ATP8A2: variants seen among roughly 807,000 people sequenced by gnomAD.
The protein encoded by ATP8A2 is phospholipid-transporting ATPase IB.
Under a neutral mutation model 165.6 loss-of-function variants are expected in ATP8A2, and 100 were observed. That is an observed-to-expected ratio of 0.60 (90% confidence interval 0.51 to 0.71). The LOEUF is 0.71. Ranked by LOEUF, ATP8A2 falls within the 30% of genes least tolerant of loss-of-function variation. The probability of loss-of-function intolerance (pLI) is 0.00; values close to 1 mark genes in which losing one functional copy is unlikely to be tolerated. For missense variants in ATP8A2, 1,227 were observed against 1,479.5 expected, an observed-to-expected ratio of 0.83 and a Z score of 2.80; for synonymous variants, 543 against 548.8, an observed-to-expected ratio of 0.99 and a Z score of 0.15.
intron 25 of ATP8A2, among the ~76,000 whole-genome samples, chr13:25,734,725 G>C (rs1003098760): frequency 3.3e-5 from 5 of 151,936 alleles, no homozygotes; most frequent in African/African-American, 1.2e-4. Context: ...TGCAACCCCC[G>C]GCCCCCAGAT....
In ATP8A2 at chr13:25,571,661, C is replaced by T; in HGVS notation, c.1631C>T (p.Ala544Val). ...GAKKLGFVFT[A>V]RTPFSVIIEA... ...AAAAAGCTGGGCTTTGTCTTCACAG[C>T]CAGAACACCATTCTCAGTCATCATA... The change falls in exon 18 of 37, where the codon GCC becomes GTC. Residue 544 changes from alanine (A) to valine (V), a missense_variant. Coordinates refer to ENST00000381655, the MANE Select transcript of ATP8A2 (RefSeq NM_016529.6). 6.2e-7 allele frequency: 1 copy of T among 1,614,056 alleles called. No individual in the cohort carries two copies. Among genetic ancestry groups the T allele is most frequent in the Non-Finnish European group, 8.5e-7 (1 of 1,179,950 alleles).
intron 1 of ATP8A2, among the ~76,000 whole-genome samples, chr13:25,465,372 T>C (rs2035606674): frequency 6.6e-6 from 1 of 152,136 alleles, no homozygotes. Flanking sequence ...TCCCAAGGTT[T>C]TCCCTGTTGT....
At chr13:25,849,530 T>C (rs953150432) in intron 30 of ATP8A2, among the ~76,000 whole-genome samples, 1 of 152,208 alleles carries the variant, frequency 6.6e-6, no homozygotes, top group Non-Finnish European at 1.5e-5. Flanking sequence ...CTTTAGAAAA[T>C]GAGACATGCT....
chr13:25,643,238 T>G (rs920632421), intron 24 of ATP8A2, among the ~76,000 whole-genome samples: 10 of 152,142 alleles, frequency 6.6e-5, no homozygotes, highest in Admixed American at 4.6e-4. Flanking sequence ...AATATTGTGA[T>G]CCTCTGGTTT....
intron 25 of ATP8A2, among the ~76,000 whole-genome samples, chr13:25,766,704 C>A (rs2044498047): frequency 6.6e-6 from 1 of 152,196 alleles, no homozygotes; most frequent in African/African-American, 2.4e-5. Flanking sequence ...TGCTGTATTT[C>A]CCTCAAAAAT....
At chr13:25,458,900 T>A (rs190398846) in intron 1 of ATP8A2, among the ~76,000 whole-genome samples, 44 of 152,246 alleles carry the variant, frequency 2.9e-4, no homozygotes, top group African/African-American at 7.2e-4. Context: ...TGACAGAAGG[T>A]GGCAGAGAGA....
At chr13:25,655,728 TA>T (rs201905932) in intron 24 of ATP8A2, among the ~76,000 whole-genome samples, 8,026 of 131,276 alleles carry the variant, frequency 0.061, 541 homozygotes, top group East Asian at 0.38. Flanking sequence ...TAAATCTCTT[TA>T]AAAAAAAAAA....
intron 33 of ATP8A2, chr13:25,863,794 A>ACCT (rs1457542122): frequency 6.6e-6 from 1 of 152,182 alleles, no homozygotes; most frequent in Non-Finnish European, 1.5e-5. Flanking sequence ...AGCAGGACGG[A>ACCT]CCTGTCCTAT....
intron 26 of ATP8A2, among the ~76,000 whole-genome samples, chr13:25,770,057 C>T (rs2044585887): frequency 6.6e-6 from 1 of 152,166 alleles, no homozygotes; most frequent in Non-Finnish European, 1.5e-5. Flanking sequence ...TAACCGACTC[C>T]ATCTTGCTTC....
intron 15 of ATP8A2, among the ~76,000 whole-genome samples, 163 bp downstream of exon 15, chr13:25,559,928 A>G (rs545726851): frequency 6.6e-6 from 1 of 152,290 alleles, no homozygotes; most frequent in East Asian, 1.9e-4. Context: ...CCTGGATTCA[A>G]GTGATCCTCC....
chr13:25,913,360 AT>A (rs1271936119), intron 33 of ATP8A2, among the ~76,000 whole-genome samples: 2 of 152,240 alleles, frequency 1.3e-5, no homozygotes, highest in African/African-American at 2.4e-5. Flanking sequence ...TGAGAAAAAA[AT>A]ATATCCATTA....
intron 1 of ATP8A2, among the ~76,000 whole-genome samples, chr13:25,375,881 CCTT>C (rs1286711665): frequency 6.6e-6 from 1 of 152,096 alleles, no homozygotes; most frequent in East Asian, 1.9e-4. Flanking sequence ...GGACTACAAA[CCTT>C]CTAGAAACTG....
chr13:25,600,979 C>A (rs2040369259), intron 24 of ATP8A2, among the ~76,000 whole-genome samples: 1 of 152,178 alleles, frequency 6.6e-6, no homozygotes, highest in South Asian at 2.1e-4. Context: ...CTTTAACATT[C>A]AGTCGATTCT....
intron 33 of ATP8A2, among the ~76,000 whole-genome samples, chr13:25,905,662 G>T (rs556321404): frequency 6.6e-6 from 1 of 151,804 alleles, no homozygotes; most frequent in East Asian, 1.9e-4. Context: ...GAGGCCACAG[G>T]TTGCAATCTA....
intron 33 of ATP8A2, among the ~76,000 whole-genome samples, chr13:25,884,404 T>G (rs1312896091): frequency 1.3e-5 from 2 of 152,138 alleles, no homozygotes; most frequent in African/African-American, 4.8e-5. Flanking sequence ...AGGGCCAATT[T>G]GTTTGTGGAT....
chr13:25,400,899 T>C (rs564015584), intron 1 of ATP8A2, among the ~76,000 whole-genome samples: 83 of 152,172 alleles, frequency 5.5e-4, no homozygotes, highest in Admixed American at 7.9e-4. Flanking sequence ...TGTGGAAGCA[T>C]TTTGATATTT....
chr13:25,937,631 C>T (rs900388065), intron 33 of ATP8A2, among the ~76,000 whole-genome samples: 5 of 150,796 alleles, frequency 3.3e-5, no homozygotes, highest in African/African-American at 7.3e-5. Context: ...TGGCGGATCA[C>T]GAGGTCAGGA....
At chr13:26,004,009 G>C (rs1041465739) in intron 35 of ATP8A2, among the ~76,000 whole-genome samples, 1 of 152,066 alleles carries the variant, frequency 6.6e-6, no homozygotes, top group African/African-American at 2.4e-5. Flanking sequence ...AGGGTCTTTT[G>C]TGGTTCCATA....
chr13:25,955,665 A>G (rs1312949464), intron 33 of ATP8A2, among the ~76,000 whole-genome samples: 1 of 152,224 alleles, frequency 6.6e-6, no homozygotes, highest in African/African-American at 2.4e-5. Context: ...GCCCAGGACC[A>G]GACGGATTCA....
Sources: gnomAD v4.1 joint callset for allele counts (sites outside exome capture counted in the v4.1 genomes callset) on GRCh38, gnomAD v4.1.1 for gene constraint, MANE v1.5 for transcripts, NCBI Gene and HGNC (gene_info 2026-07-23, HGNC 2026-07-21) for gene names.